The following TMEM44 variants were observed in gnomAD, a reference collection of about 807,000 sequenced individuals.
The protein encoded by TMEM44 is transmembrane protein 44.
In TMEM44, 43 loss-of-function variants were observed where a neutral mutation model predicts 47.8. The ratio of observed to expected loss-of-function variants is 0.90; its 90% CI spans 0.70 to 1.16. TMEM44 has a LOEUF of 1.16. TMEM44 is among the 50% of genes most tolerant of loss of function. The pLI, the probability that TMEM44 is intolerant of heterozygous loss-of-function variation, is 0.00. For missense variants in TMEM44, 568 were observed against 555.2 expected, an observed-to-expected ratio of 1.02 and a Z score of -0.23; for synonymous variants, 277 against 238.8, an observed-to-expected ratio of 1.16 and a Z score of -1.48.
intron 9 of TMEM44, among the ~76,000 whole-genome samples, chr3:194,593,373 T>G (rs1712998837): frequency 6.6e-6 from 1 of 152,146 alleles, no homozygotes; most frequent in Non-Finnish European, 1.5e-5. Flanking sequence ...ATTATTATTA[T>G]TAGGAGGAGT....
intron 1 of TMEM44, among the ~76,000 whole-genome samples, chr3:194,630,771 C>T (rs1717721256): frequency 2.0e-5 from 3 of 151,606 alleles, no homozygotes; most frequent in Admixed American, 2.0e-4. Flanking sequence ...ACTGATGGGG[C>T]CTCTGAAATA....
chr3:194,630,162 G>A (rs1343596571), intron 1 of TMEM44, among the ~76,000 whole-genome samples: 3 of 96,146 alleles, frequency 3.1e-5, no homozygotes, highest in Admixed American at 1.2e-4. Flanking sequence ...GCTTCCCGAA[G>A]GGGCTGGCTG....
intron 9 of TMEM44, chr3:194,592,967 T>A: frequency 6.4e-7 from 1 of 1,555,628 alleles, no homozygotes; most frequent in Non-Finnish European, 8.9e-7. Context: ...TCTAACAAGG[T>A]CTAACAAAAA....
At chr3:194,594,882 G>C (rs1437727790) in intron 9 of TMEM44, among the ~76,000 whole-genome samples, 1 of 152,180 alleles carries the variant, frequency 6.6e-6, no homozygotes, top group Non-Finnish European at 1.5e-5. Context: ...TTTAGGAAGA[G>C]CGCCCTCTAG....
intron 2 of TMEM44, 44 bp from the exon 3 acceptor site, chr3:194,626,034 C>T: frequency 6.9e-7 from 1 of 1,458,794 alleles, no homozygotes; most frequent in Non-Finnish European, 9.6e-7. Context: ...AAGCATCTTT[C>T]CTCAGCCCCT....
chr3:194,600,566 G>C (rs1713971101), intron 9 of TMEM44, among the ~76,000 whole-genome samples: 1 of 152,072 alleles, frequency 6.6e-6, no homozygotes, highest in Non-Finnish European at 1.5e-5. Context: ...GGCCAACATG[G>C]TGAAACCTCA....
chr3:194,592,109 T>C (rs1215476497), intron 9 of TMEM44, among the ~76,000 whole-genome samples: 2 of 151,510 alleles, frequency 1.3e-5, no homozygotes, highest in Non-Finnish European at 2.9e-5. Context: ...TCCCAGCTAC[T>C]CGGGAGGCTG....
chr3:194,604,110 T>G (rs1018647808), intron 9 of TMEM44, among the ~76,000 whole-genome samples, 177 bp downstream of exon 9: 2 of 152,210 alleles, frequency 1.3e-5, no homozygotes, highest in Admixed American at 1.3e-4. Flanking sequence ...TGCCTCAGGC[T>G]CCCCAAGTGC....
At chr3:194,621,878 G>C (rs1716578942) in intron 5 of TMEM44, among the ~76,000 whole-genome samples, 1 of 152,110 alleles carries the variant, frequency 6.6e-6, no homozygotes, top group African/African-American at 2.4e-5. Context: ...CGCCTGGCTA[G>C]TTTTTGTATT....
At position 194,617,201 on chromosome 3, in the gene TMEM44, G is replaced by C. The variant is rs1296022917; in HGVS notation, c.681C>G (p.Leu227=). The change falls in exon 6 of 10, where the codon CTC becomes CTG. Residue 227 remains leucine, a synonymous_variant. Coordinates refer to ENST00000347147, the MANE Select transcript of TMEM44 (RefSeq NM_001011655.3). ...CGTGGGCCACAATGGCCGAGGCATAGAGGAGGCCAGCCAGGGCCGACAGGA... is the reference window on the plus strand; with the variant it reads ...CGTGGGCCACAATGGCCGAGGCATACAGGAGGCCAGCCAGGGCCGACAGGA... The part of the protein sequence containing the change: ...TRLLSALAGL[L]YASAIVAHDQ... 6.4e-7 allele frequency: 1 copy of C among 1,553,384 alleles called. No individual in the cohort carries two copies. Among genetic ancestry groups the C allele is most frequent in the Non-Finnish European group, 8.7e-7 (1 of 1,148,402 alleles).
At chr3:194,625,280 T>A (rs1177822817) in intron 3 of TMEM44, among the ~76,000 whole-genome samples, 2 of 152,200 alleles carry the variant, frequency 1.3e-5, no homozygotes, top group African/African-American at 4.8e-5. Context: ...TTGCCCATGC[T>A]GCTCTGTGTG....
chr3:194,604,481 G>A (rs544365319), intron 8 of TMEM44, 36 bp from the exon 9 acceptor site: 137 of 1,463,878 alleles, frequency 9.4e-5, no homozygotes, highest in Admixed American at 2.1e-4. Context: ...GCAAGGACAC[G>A]TAGTTTAGTT....
At chr3:194,627,725 C>A (rs988874909) in intron 2 of TMEM44, among the ~76,000 whole-genome samples, 15 of 152,184 alleles carry the variant, frequency 9.9e-5, no homozygotes, top group African/African-American at 2.9e-4. Context: ...GGCCTGTAAT[C>A]CTAGCACATT....
At chr3:194,593,967 T>A (rs1713062995) in intron 9 of TMEM44, among the ~76,000 whole-genome samples, 1 of 152,100 alleles carries the variant, frequency 6.6e-6, no homozygotes, top group South Asian at 2.1e-4. Flanking sequence ...TGTACCACCA[T>A]GCCTGGCTGA....
intron 9 of TMEM44, among the ~76,000 whole-genome samples, chr3:194,603,891 T>C (rs1714450188): frequency 6.6e-6 from 1 of 152,034 alleles, no homozygotes; most frequent in Non-Finnish European, 1.5e-5. Context: ...TCTCGTTCTG[T>C]TGCCCAGACT....
chr3:194,595,585 A>C (rs2109152919), intron 9 of TMEM44, among the ~76,000 whole-genome samples: 1 of 151,024 alleles, frequency 6.6e-6, no homozygotes, highest in East Asian at 2.0e-4. Context: ...GTAAAGTTTT[A>C]AGACTGGCCA....
intron 9 of TMEM44, among the ~76,000 whole-genome samples, chr3:194,600,435 G>C (rs1560165217): frequency 7.0e-6 from 1 of 143,484 alleles, no homozygotes; most frequent in Non-Finnish European, 1.5e-5. Context: ...GCCCAGCCCA[G>C]AAACATTTAT....
At chr3:194,603,865 T>G (rs1714447301) in intron 9 of TMEM44, among the ~76,000 whole-genome samples, 1 of 152,016 alleles carries the variant, frequency 6.6e-6, no homozygotes, top group Non-Finnish European at 1.5e-5. Context: ...TTTTTTTTGT[T>G]TTTTTTGAGA....
intron 9 of TMEM44, among the ~76,000 whole-genome samples, chr3:194,595,664 T>C (rs1713317050): frequency 6.6e-6 from 1 of 151,042 alleles, no homozygotes; most frequent in Non-Finnish European, 1.5e-5. Flanking sequence ...CTCACTCTGT[T>C]GCCCAGGCTC....
Sources: gnomAD v4.1 joint callset for allele counts (sites outside exome capture counted in the v4.1 genomes callset) on GRCh38, gnomAD v4.1.1 for gene constraint, MANE v1.5 for transcripts, NCBI Gene and HGNC (gene_info 2026-07-23, HGNC 2026-07-21) for gene names.